Variants in DTD1 observed in about 807,000 individuals in gnomAD.
DTD1 encodes the protein D-aminoacyl-tRNA deacylase 1.
A neutral mutation model predicts 25.6 loss-of-function variants in DTD1; 13 were observed. The ratio of observed to expected loss-of-function variants is 0.51; its 90% CI spans 0.33 to 0.81. The LOEUF (loss-of-function observed/expected upper bound fraction) is 0.81. DTD1 is among the 30% of genes least tolerant of loss of function. The pLI is 0.02. For synonymous variants in DTD1, 110 were observed against 103.6 expected (o/e 1.06, Z -0.37); for missense variants, 193 against 266.4 (o/e 0.72, Z 1.92).
chr20:18,732,510 G>T (rs1371073527), intron 4 of DTD1, among the ~76,000 whole-genome samples: 1 of 152,204 alleles, frequency 6.6e-6, no homozygotes, highest in African/African-American at 2.4e-5. Context: ...CATGGCCAGT[G>T]CATCTCCTTC....
chr20:18,642,441 T>A (rs1415942268), intron 4 of DTD1, among the ~76,000 whole-genome samples: 1 of 152,154 alleles, frequency 6.6e-6, no homozygotes, highest in African/African-American at 2.4e-5. Context: ...TTTTATTTTA[T>A]TTTTTATCAT....
At chr20:18,638,763 G>A (rs540609051) in intron 4 of DTD1, among the ~76,000 whole-genome samples, 2 of 152,326 alleles carry the variant, frequency 1.3e-5, no homozygotes, top group East Asian at 3.9e-4. Context: ...AGAGATGGAT[G>A]AGACTGGGTT....
chr20:18,669,585 G>A (rs1244833045), intron 4 of DTD1, among the ~76,000 whole-genome samples: 1 of 151,994 alleles, frequency 6.6e-6, no homozygotes, highest in Non-Finnish European at 1.5e-5. Context: ...TGAAAACAAC[G>A]AGTGACCACT....
intron 3 of DTD1, among the ~76,000 whole-genome samples, chr20:18,601,473 T>C (rs1337702523): frequency 7.0e-6 from 1 of 142,082 alleles, no homozygotes; most frequent in Non-Finnish European, 1.5e-5. Flanking sequence ...TACTCCAGCT[T>C]GGATGACAGA....
rs57848248 is a variant in DTD1, at chr20:18,612,033, GTTTTTTTT to G, written c.370+15804_370+15811del. ...CCGTGCCCGGCTAATTAATTTTTGT[GTTTTTTTT>G]TTTTTTTTTTTGAAACGGAGTCTAG... On this transcript the variant is annotated intron_variant, in intron 3 of 5. Coordinates refer to ENST00000377452, the MANE Select transcript of DTD1 (RefSeq NM_080820.6). Among the ~76,000 whole-genome samples, 30 of 96,650 alleles carry G rather than the reference GTTTTTTTT, an allele frequency of 3.1e-4. 1 individual carries two copies. In the South Asian group the frequency reaches 0.01, roughly 33 times the overall value. 63.4% of individuals were successfully genotyped at this position (96,650 alleles called of 152,430 possible).
intron 4 of DTD1, among the ~76,000 whole-genome samples, chr20:18,644,521 C>T (rs111373959): frequency 2.0e-5 from 3 of 152,248 alleles, no homozygotes; most frequent in African/African-American, 7.2e-5. Flanking sequence ...AATAAAATAC[C>T]AGGTAGGCTC....
At chr20:18,724,092 C>T (rs1297446732) in intron 4 of DTD1, among the ~76,000 whole-genome samples, 1 of 152,182 alleles carries the variant, frequency 6.6e-6, no homozygotes, top group Non-Finnish European at 1.5e-5. Flanking sequence ...CCTGGAAGCC[C>T]CTGGCAAACT....
intron 3 of DTD1, among the ~76,000 whole-genome samples, chr20:18,606,326 G>T (rs1433220819): frequency 7.6e-6 from 1 of 131,180 alleles, no homozygotes; most frequent in South Asian, 2.5e-4. Flanking sequence ...TTACACTGTT[G>T]GTGGGAGTGT....
intron 2 of DTD1, 56 bp from the exon 3 acceptor site, chr20:18,595,950 T>G: frequency 5.4e-6 from 8 of 1,472,788 alleles, no homozygotes; most frequent in Non-Finnish European, 7.6e-6. Flanking sequence ...GGGTATGGAG[T>G]GTGTTGGGGG....
chr20:18,741,127 C>T (rs2061276280), intron 4 of DTD1, among the ~76,000 whole-genome samples: 1 of 152,226 alleles, frequency 6.6e-6, no homozygotes, highest in Admixed American at 6.5e-5. Context: ...ACTGAGACGG[C>T]ATCTTACTTT....
At chr20:18,683,990 A>G (rs375134943) in intron 4 of DTD1, among the ~76,000 whole-genome samples, 9 of 152,092 alleles carry the variant, frequency 5.9e-5, no homozygotes, top group African/African-American at 1.7e-4. Context: ...TCCTTTTTCA[A>G]AGCTCAGATG....
chr20:18,632,414 G>A, intron 4 of DTD1: 1 of 985,474 alleles, frequency 1.0e-6, no homozygotes, highest in Non-Finnish European at 1.2e-6. Flanking sequence ...AGGCGCAGAA[G>A]CGGCCTGTGT....
At chr20:18,716,482 C>T (rs1022411543) in intron 4 of DTD1, among the ~76,000 whole-genome samples, 1 of 152,212 alleles carries the variant, frequency 6.6e-6, no homozygotes, top group Non-Finnish European at 1.5e-5. Flanking sequence ...GGCCCATGGA[C>T]TTGTCCAGGG....
In DTD1 at chr20:18,744,282, C is replaced by T. The variant is rs372030076; in HGVS notation, c.*19+11C>T. The T allele has an allele frequency of 4.4e-6, 7 of 1,608,010 alleles. No individual in the cohort carries two copies. Among genetic ancestry groups the T allele is most frequent in the African/African-American group, 2.7e-5 (2 of 74,554 alleles). The stretch of plus-strand genomic sequence containing the variant: ...GGAGGCAGAATTCAGGTAGGAGTTT[C>T]CCTGCTTGGCTTCATCTTCCCACAT... On this transcript the variant is annotated intron_variant, in intron 5 of 5. Transcript: ENST00000377452.
chr20:18,733,357 G>A (rs928201607), intron 4 of DTD1, among the ~76,000 whole-genome samples: 2 of 152,240 alleles, frequency 1.3e-5, no homozygotes, highest in Admixed American at 1.3e-4. Flanking sequence ...CAGGTAGGAG[G>A]CTGTGGATTT....
intron 4 of DTD1, among the ~76,000 whole-genome samples, chr20:18,718,690 T>C (rs1302244041): frequency 6.6e-6 from 1 of 152,234 alleles, no homozygotes; most frequent in East Asian, 1.9e-4. Flanking sequence ...TATAATGTTA[T>C]ACATATACAT....
At chr20:18,692,193 A>G (rs1435103056) in intron 4 of DTD1, among the ~76,000 whole-genome samples, 1 of 152,218 alleles carries the variant, frequency 6.6e-6, no homozygotes, top group Non-Finnish European at 1.5e-5. Context: ...GGCCAATGCA[A>G]GGACTTAATG....
intron 3 of DTD1, among the ~76,000 whole-genome samples, chr20:18,615,590 A>T (rs6081247): frequency 0.31 from 47,805 of 152,102 alleles, 8,219 homozygotes; most frequent in South Asian, 0.42. Context: ...ACCAAAATGG[A>T]ATAGTGGAGA....
intron 5 of DTD1, among the ~76,000 whole-genome samples, chr20:18,746,007 A>G (rs1344824768): frequency 6.6e-6 from 1 of 151,520 alleles, no homozygotes; most frequent in Non-Finnish European, 1.5e-5. Flanking sequence ...GGATTGAAAG[A>G]TGTAAAGGAA....
Sources: gnomAD v4.1 joint callset for allele counts (sites outside exome capture counted in the v4.1 genomes callset) on GRCh38, gnomAD v4.1.1 for gene constraint, MANE v1.5 for transcripts, NCBI Gene and HGNC (gene_info 2026-07-23, HGNC 2026-07-21) for gene names.